MDGA2: variants seen among roughly 807,000 people sequenced by gnomAD.
MDGA2 encodes the protein MAM domain-containing glycosylphosphatidylinositol anchor protein 2.
MDGA2 carries 40 observed loss-of-function variants against 117.8 expected under a neutral mutation model. That is an observed-to-expected ratio of 0.34 (90% CI 0.26 to 0.44). The LOEUF is 0.44. MDGA2 is among the 20% of genes least tolerant of loss of function. The pLI is 1.00. For synonymous variants in MDGA2, 452 were observed against 439.0 expected, an observed-to-expected ratio of 1.03 and a Z score of -0.37; for missense variants, 1,123 against 1,250.6, an observed-to-expected ratio of 0.90 and a Z score of 1.54.
intron 1 of MDGA2, among the ~76,000 whole-genome samples, chr14:47,513,264 T>A (rs771865511): frequency 1.8e-4 from 28 of 152,284 alleles, no homozygotes; most frequent in Non-Finnish European, 3.8e-4. Flanking sequence ...TTGAAGACTT[T>A]CTTTCATTTT....
intron 6 of MDGA2, among the ~76,000 whole-genome samples, chr14:47,065,652 T>C (rs1890053612): frequency 6.6e-6 from 1 of 152,196 alleles, no homozygotes; most frequent in African/African-American, 2.4e-5. Context: ...ATGCAATACA[T>C]AGTAATTCAA....
intron 1 of MDGA2, among the ~76,000 whole-genome samples, chr14:47,672,199 C>A (rs1898087320): frequency 6.6e-6 from 1 of 152,168 alleles, no homozygotes; most frequent in Non-Finnish European, 1.5e-5. Flanking sequence ...TAACCCACCT[C>A]ATAGCTGTGA....
chr14:47,382,016 T>C (rs948393501), intron 1 of MDGA2, among the ~76,000 whole-genome samples: 4 of 152,020 alleles, frequency 2.6e-5, no homozygotes, highest in African/African-American at 9.7e-5. Flanking sequence ...TAAAGACCAA[T>C]GGAACAGAAC....
At chr14:47,227,396 C>A (rs1398579091) in intron 2 of MDGA2, among the ~76,000 whole-genome samples, 1 of 152,260 alleles carries the variant, frequency 6.6e-6, no homozygotes, top group African/African-American at 2.4e-5. Context: ...GTCAGGCTGA[C>A]GCTAACCTCG....
intron 3 of MDGA2, among the ~76,000 whole-genome samples, chr14:47,189,977 T>A (rs1191142858): frequency 1.3e-5 from 2 of 152,152 alleles, no homozygotes; most frequent in African/African-American, 4.8e-5. Flanking sequence ...CTCCAGAATT[T>A]GTCTGCCAAA....
chr14:47,298,394 C>G (rs989839425), intron 2 of MDGA2, among the ~76,000 whole-genome samples: 12 of 152,008 alleles, frequency 7.9e-5, no homozygotes, highest in Admixed American at 5.9e-4. Flanking sequence ...TGGAAATAAA[C>G]AATCTTTATG....
intron 3 of MDGA2, among the ~76,000 whole-genome samples, chr14:47,188,802 A>G (rs952538526): frequency 4.6e-5 from 7 of 152,186 alleles, no homozygotes; most frequent in Non-Finnish European, 5.9e-5. Context: ...ACGTCAGAGC[A>G]AAGAGATCAA....
chr14:46,910,672 G>C (rs1186814982), intron 10 of MDGA2, among the ~76,000 whole-genome samples: 1 of 152,086 alleles, frequency 6.6e-6, no homozygotes, highest in Non-Finnish European at 1.5e-5. Flanking sequence ...CATTCAAATA[G>C]GTAGGAAGGA....
At chr14:47,249,507 A>T (rs1473184642) in intron 2 of MDGA2, among the ~76,000 whole-genome samples, 1 of 152,098 alleles carries the variant, frequency 6.6e-6, no homozygotes, top group African/African-American at 2.4e-5. Context: ...TGTATATTTT[A>T]AAGAGATGTG....
chr14:47,571,889 C>A (rs2138822540), intron 1 of MDGA2, among the ~76,000 whole-genome samples: 1 of 152,188 alleles, frequency 6.6e-6, no homozygotes, highest in Admixed American at 6.5e-5. Context: ...ACACGTATCC[C>A]AGAACTTAAA....
chr14:46,850,242 T>C (rs1881005150), intron 15 of MDGA2, among the ~76,000 whole-genome samples: 1 of 151,866 alleles, frequency 6.6e-6, no homozygotes, highest in Non-Finnish European at 1.5e-5. Flanking sequence ...ATTATAATGC[T>C]TTAAAACATA....
intron 1 of MDGA2, among the ~76,000 whole-genome samples, chr14:47,497,728 C>CA (rs956339676): frequency 1.1e-4 from 16 of 152,120 alleles, no homozygotes; most frequent in South Asian, 2.1e-4. Flanking sequence ...GTTAAAGTAA[C>CA]ATAATAATAA....
intron 1 of MDGA2, among the ~76,000 whole-genome samples, chr14:47,307,270 T>C (rs996482271): frequency 6.6e-5 from 10 of 152,208 alleles, no homozygotes; most frequent in African/African-American, 2.4e-4. Context: ...TATTCTAAAC[T>C]GATTTTTATA....
intron 5 of MDGA2, among the ~76,000 whole-genome samples, chr14:47,107,632 A>C (rs1174500130): frequency 2.6e-5 from 4 of 151,314 alleles, no homozygotes; most frequent in African/African-American, 9.8e-5. Flanking sequence ...AATTCTCATA[A>C]AAACACACGT....
intron 2 of MDGA2, among the ~76,000 whole-genome samples, chr14:47,266,450 C>T (rs544277167): frequency 6.6e-5 from 10 of 152,298 alleles, no homozygotes; most frequent in African/African-American, 2.2e-4. Context: ...TCTTCTACTT[C>T]GTCTCCTTCT....
At chr14:46,943,804 G>A (rs1481696390) in intron 9 of MDGA2, among the ~76,000 whole-genome samples, 1 of 152,074 alleles carries the variant, frequency 6.6e-6, no homozygotes, top group East Asian at 1.9e-4. Context: ...TGTAAAGGGT[G>A]AGACAGTAAA....
At chr14:46,995,864 C>CA (rs2138454956) in intron 8 of MDGA2, among the ~76,000 whole-genome samples, 1 of 151,820 alleles carries the variant, frequency 6.6e-6, no homozygotes, top group Admixed American at 6.6e-5. Context: ...AGTTAAACAA[C>CA]AAATTTCTTA....
chr14:47,624,341 C>T (rs1246969637), intron 1 of MDGA2, among the ~76,000 whole-genome samples: 1 of 152,096 alleles, frequency 6.6e-6, no homozygotes, highest in Non-Finnish European at 1.5e-5. Flanking sequence ...ATCTGTAATC[C>T]CAGCTATTCA....
chr14:47,659,637 A>C (rs1204496599), intron 1 of MDGA2, among the ~76,000 whole-genome samples: 1 of 152,214 alleles, frequency 6.6e-6, no homozygotes, highest in Non-Finnish European at 1.5e-5. Flanking sequence ...TAGGTGTATA[A>C]GTGTATACCT....
Sources: allele counts gnomAD v4.1 joint callset (sites outside exome capture counted in the v4.1 genomes callset), GRCh38; gene constraint gnomAD v4.1.1; transcripts MANE v1.5; gene names NCBI Gene and HGNC (gene_info 2026-07-23, HGNC 2026-07-21).